PLB1: variants seen among roughly 807,000 people sequenced by gnomAD.
PLB1 encodes phospholipase B1.
Under a neutral mutation model 227.4 loss-of-function variants are expected in PLB1, and 242 were observed. The observed-to-expected ratio is 1.06, with a 90% CI of 0.96 to 1.18. The LOEUF (loss-of-function observed/expected upper bound fraction) is 1.18, where lower values mean the gene tolerates loss of function less well. PLB1 is among the 50% of genes most tolerant of loss of function. The probability of loss-of-function intolerance (pLI) is 0.00; values close to 1 mark genes in which losing one functional copy is unlikely to be tolerated. For missense variants in PLB1, 1,858 were observed against 1,816.3 expected (o/e 1.02, Z -0.42); for synonymous variants, 757 against 682.2 (o/e 1.11, Z -1.71).
At chr2:28,516,695 A>G in intron 1 of PLB1, 113 bp from the exon 2 acceptor site, 1 of 903,970 alleles carries the variant, frequency 1.1e-6, no homozygotes, top group South Asian at 1.5e-5. Flanking sequence ...AACACAGTGG[A>G]CATTACTGAG....
chr2:28,574,961 G>A (rs1012806304), intron 21 of PLB1, among the ~76,000 whole-genome samples: 1 of 152,134 alleles, frequency 6.6e-6, no homozygotes. Context: ...ATTGCAAATT[G>A]TGCTGCAGTA....
intron 6 of PLB1, among the ~76,000 whole-genome samples, chr2:28,527,028 C>A (rs770439707): frequency 1.3e-5 from 2 of 152,114 alleles, no homozygotes; most frequent in African/African-American, 4.8e-5. Flanking sequence ...TTACCAACTC[C>A]GTGGCTATCA....
intron 8 of PLB1, among the ~76,000 whole-genome samples, chr2:28,531,742 C>T (rs924638070): frequency 6.6e-6 from 1 of 152,204 alleles, no homozygotes; most frequent in Admixed American, 6.5e-5. Context: ...ACACAGCAGT[C>T]CCCTCTTTTG....
At chr2:28,532,896 T>G (rs1057157580) in intron 9 of PLB1, among the ~76,000 whole-genome samples, 8 of 152,164 alleles carry the variant, frequency 5.3e-5, no homozygotes, top group Admixed American at 1.3e-4. Flanking sequence ...ATCTATGACT[T>G]AAGTCTTTAT....
At chr2:28,521,863 A>G (rs1476404625) in intron 4 of PLB1, among the ~76,000 whole-genome samples, 7 of 151,290 alleles carry the variant, frequency 4.6e-5, no homozygotes, top group African/African-American at 1.7e-4. Context: ...GAACCAGGAT[A>G]CTCTTTCTCC....
chr2:28,575,840 T>G (rs1050338758), intron 21 of PLB1, among the ~76,000 whole-genome samples: 7 of 152,176 alleles, frequency 4.6e-5, no homozygotes, highest in African/African-American at 1.7e-4. Context: ...TGTGAGCCAC[T>G]GTGCCCAGCA....
rs763725831 is a variant in PLB1 at position 28,642,887 on chromosome 2, C to T, written c.4203C>T (p.Asn1401=). 10 of 1,606,522 alleles carry T rather than the reference C, an allele frequency of 6.2e-6. No homozygotes were observed. The highest frequency in any genetic ancestry group is 1.3e-5 in the African/African-American group (1 of 74,846). ...PESPYLYTLR[N]SRLLPDQAEE... is the part of the protein sequence containing the mutation. ...GCCCTTACCTCTACACCCTGCGGAA[C>T]AGCCGATTGCTCCCAGACCAGGCTG... Residue 1401 remains asparagine (N), a synonymous_variant, in exon 58 of 58, where the codon AAC becomes AAT. Coordinates refer to ENST00000327757, the MANE Select transcript of PLB1 (RefSeq NM_153021.5).
At chr2:28,614,344 C>T (rs550057182) in intron 44 of PLB1, among the ~76,000 whole-genome samples, 2 of 152,290 alleles carry the variant, frequency 1.3e-5, no homozygotes, top group South Asian at 4.1e-4. Flanking sequence ...TTTCTTTGAC[C>T]TTGGCAATCC....
chr2:28,561,967 A>G (rs1676122627), intron 17 of PLB1, among the ~76,000 whole-genome samples: 1 of 152,220 alleles, frequency 6.6e-6, no homozygotes, highest in Admixed American at 6.5e-5. Flanking sequence ...AAATAGAAGA[A>G]GCCAAACATA....
intron 4 of PLB1, among the ~76,000 whole-genome samples, chr2:28,524,525 A>T (rs955445733): frequency 1.3e-5 from 2 of 151,016 alleles, no homozygotes; most frequent in Non-Finnish European, 2.9e-5. Flanking sequence ...TTAAATACTT[A>T]CAACACACCC....
At chr2:28,638,511 C>G (rs1026005892) in intron 56 of PLB1, among the ~76,000 whole-genome samples, 1 of 152,038 alleles carries the variant, frequency 6.6e-6, no homozygotes, top group Non-Finnish European at 1.5e-5. Context: ...AAGGGTGGAC[C>G]TGGAAAGACC....
At chr2:28,541,940 C>T (rs1672555006) in intron 13 of PLB1, 129 bp downstream of exon 13, 2 of 705,286 alleles carry the variant, frequency 2.8e-6, no homozygotes, top group South Asian at 3.5e-5. Context: ...GAAGACCAAC[C>T]CAGCCAACAT....
chr2:28,588,482 T>G (rs1573211942), intron 26 of PLB1, among the ~76,000 whole-genome samples: 3 of 152,272 alleles, frequency 2.0e-5, no homozygotes, highest in African/African-American at 7.2e-5. Context: ...GAATTGACCC[T>G]GGGAAAAGAC....
At chr2:28,580,468 A>C (rs920401320) in intron 23 of PLB1, among the ~76,000 whole-genome samples, 16 of 152,242 alleles carry the variant, frequency 1.1e-4, no homozygotes, top group African/African-American at 3.4e-4. Flanking sequence ...TAATCCCAGC[A>C]CTTCGGGAGG....
At chr2:28,582,365 C>T (rs1411963521) in intron 24 of PLB1, 40 bp from the exon 25 acceptor site, 3 of 1,570,898 alleles carry the variant, frequency 1.9e-6, no homozygotes, top group Non-Finnish European at 2.6e-6. Context: ...AAAGGCTGCC[C>T]AGCCTCATCC....
At chr2:28,557,320 C>G (rs546580050) in intron 17 of PLB1, among the ~76,000 whole-genome samples, 2 of 152,282 alleles carry the variant, frequency 1.3e-5, no homozygotes, top group East Asian at 3.9e-4. Flanking sequence ...CATGGAAACT[C>G]ACACCGAAGA....
chr2:28,622,688 G>C (rs1420215579), intron 49 of PLB1, among the ~76,000 whole-genome samples: 1 of 152,150 alleles, frequency 6.6e-6, no homozygotes, highest in Admixed American at 6.5e-5. Flanking sequence ...AGGAGTTCAA[G>C]ACCAGCTTGG....
At chr2:28,570,689 G>A (rs935224695) in intron 20 of PLB1, among the ~76,000 whole-genome samples, 1 of 152,208 alleles carries the variant, frequency 6.6e-6, no homozygotes, top group African/African-American at 2.4e-5. Context: ...GGGAGGCTGA[G>A]GCATAAGAAT....
At chr2:28,548,666 G>T in intron 14 of PLB1, 194 bp from the exon 15 acceptor site, 1 of 646,298 alleles carries the variant, frequency 1.5e-6, no homozygotes, top group South Asian at 1.7e-5. Context: ...CGCCTGGAGA[G>T]CTGCTTACAA....
Sources: allele counts gnomAD v4.1 joint callset (sites outside exome capture counted in the v4.1 genomes callset), GRCh38; gene constraint gnomAD v4.1.1; transcripts MANE v1.5; gene names NCBI Gene and HGNC (gene_info 2026-07-23, HGNC 2026-07-21).